Variants in SLC4A10 observed in about 807,000 individuals in gnomAD.
The protein encoded by SLC4A10 is sodium-driven chloride bicarbonate exchanger.
Under a neutral mutation model 137.7 loss-of-function variants are expected in SLC4A10, and 42 were observed. The ratio of observed to expected loss-of-function variants is 0.30; its 90% CI spans 0.24 to 0.39. The LOEUF (loss-of-function observed/expected upper bound fraction) is 0.39, where lower values mean the gene tolerates loss of function less well. Among genes scored for constraint, SLC4A10 ranks in the 10% least tolerant of loss-of-function variants. The pLI is 1.00. For synonymous variants in SLC4A10, 474 were observed against 464.1 expected (o/e 1.02, Z -0.27); for missense variants, 925 against 1,355.0 (o/e 0.68, Z 4.98).
intron 1 of SLC4A10, among the ~76,000 whole-genome samples, chr2:161,700,297 A>G (rs1334520291): frequency 6.6e-6 from 1 of 152,086 alleles, no homozygotes; most frequent in African/African-American, 2.4e-5. Context: ...GACTAAAGAG[A>G]GGTTACTGGA....
intron 9 of SLC4A10, among the ~76,000 whole-genome samples, 192 bp downstream of exon 9, chr2:161,879,480 C>T (rs1332290931): frequency 6.6e-6 from 1 of 150,898 alleles, no homozygotes; most frequent in Non-Finnish European, 1.5e-5. Flanking sequence ...TTCCTCCCTT[C>T]TCTCAAACTT....
rs559319706 is a variant in SLC4A10 at position 161,674,769 on chromosome 2, C to G, written c.48+50203C>G. Among the ~76,000 whole-genome samples, 4 of 152,270 alleles carry G rather than the reference C, an allele frequency of 2.6e-5. No individual in the cohort carries two copies. The East Asian group carries it at 7.7e-4, about 29-fold the overall frequency. On this transcript the variant is annotated intron_variant, in intron 1 of 26. Coordinates refer to ENST00000446997, the MANE Select transcript of SLC4A10 (RefSeq NM_001178015.2). ...ACTTTTGTGGAGCAGCTGCTGGATA[C>G]AAGCTACTGTCTCATGTCTTGAGGA... is the stretch of plus-strand genomic sequence containing the variant.
chr2:161,689,134 T>C (rs1359494594), intron 1 of SLC4A10, among the ~76,000 whole-genome samples: 3 of 152,176 alleles, frequency 2.0e-5, no homozygotes, highest in Non-Finnish European at 2.9e-5. Context: ...GTTAAAAAAA[T>C]TAAAATGTTT....
chr2:161,801,784 A>G (rs2055390059), intron 2 of SLC4A10, among the ~76,000 whole-genome samples: 1 of 152,140 alleles, frequency 6.6e-6, no homozygotes. Flanking sequence ...AATGATAAAA[A>G]AACACTTTCT....
At chr2:161,858,041 C>A (rs962693366) in intron 5 of SLC4A10, among the ~76,000 whole-genome samples, 3 of 152,030 alleles carry the variant, frequency 2.0e-5, no homozygotes, top group Admixed American at 1.3e-4. Context: ...GTTTCATGAT[C>A]ATTTGTGGCC....
At chr2:161,624,624 C>T (rs1227331819) in intron 1 of SLC4A10, 58 bp downstream of exon 1, 19 of 1,550,104 alleles carry the variant, frequency 1.2e-5, no homozygotes, top group Non-Finnish European at 1.7e-5. Flanking sequence ...ACCTGTTAGG[C>T]AAGCGGTCTG....
At position 161,863,054 on chromosome 2, in the gene SLC4A10, A is replaced by G. The variant is rs2060523152; in HGVS notation, c.758A>G (p.Asp253Gly). The change falls in exon 6 of 27, where the codon GAC becomes GGC. Residue 253 changes from aspartate (D) to glycine (G), a missense_variant. This residue lies in a region of SLC4A10 where 277 missense variants were observed against 306.1 expected (regional missense o/e 0.90). Coordinates refer to ENST00000446997, the MANE Select transcript of SLC4A10 (RefSeq NM_001178015.2). The stretch of plus-strand genomic sequence containing the variant: ...AAACAGTCAGAACCAAATTCCATGG[A>G]CAAAAATGGTAAATGTTTATTTATT... ...GKKQSEPNSMDKNAGQVVSPQ... is the reference protein window; with the variant it reads ...GKKQSEPNSMGKNAGQVVSPQ... 6.2e-7 allele frequency: 1 copy of G among 1,613,734 alleles called. No individual in the cohort carries two copies. The highest frequency in any genetic ancestry group is 8.5e-7 in the Non-Finnish European group (1 of 1,179,710).
chr2:161,657,019 G>T (rs1227374555), intron 1 of SLC4A10, among the ~76,000 whole-genome samples: 1 of 152,132 alleles, frequency 6.6e-6, no homozygotes, highest in African/African-American at 2.4e-5. Flanking sequence ...TGATATTCAA[G>T]AGTTTTCTGA....
intron 26 of SLC4A10, 43 bp downstream of exon 26, chr2:161,977,803 T>G (rs1699621088): frequency 6.5e-7 from 1 of 1,541,508 alleles, no homozygotes; most frequent in Non-Finnish European, 8.7e-7. Context: ...TTGCATTTCC[T>G]TATGTTAAAT....
intron 1 of SLC4A10, among the ~76,000 whole-genome samples, chr2:161,748,171 C>G (rs2048574777): frequency 6.6e-6 from 1 of 152,182 alleles, no homozygotes; most frequent in Non-Finnish European, 1.5e-5. Context: ...GGAAACCAAT[C>G]TCTTATGATG....
chr2:161,967,461 C>T (rs952866929), intron 23 of SLC4A10, among the ~76,000 whole-genome samples: 13 of 152,094 alleles, frequency 8.5e-5, no homozygotes, highest in Non-Finnish European at 1.0e-4. Flanking sequence ...CACAAATGTA[C>T]GACAACAATT....
At chr2:161,875,626 G>A (rs747810043) in intron 8 of SLC4A10, among the ~76,000 whole-genome samples, 42 of 152,296 alleles carry the variant, frequency 2.8e-4, no homozygotes, top group Non-Finnish European at 5.3e-4. Context: ...ACAGTGGAAC[G>A]TAGGTATTTT....
intron 3 of SLC4A10, among the ~76,000 whole-genome samples, chr2:161,839,310 G>A (rs1160816645): frequency 6.6e-6 from 1 of 152,204 alleles, no homozygotes; most frequent in East Asian, 1.9e-4. Context: ...GCTACAAAAG[G>A]GAGGTAGGAA....
chr2:161,821,558 G>C (rs993620678), intron 3 of SLC4A10, among the ~76,000 whole-genome samples: 1 of 152,164 alleles, frequency 6.6e-6, no homozygotes, highest in Non-Finnish European at 1.5e-5. Context: ...GAGCCCAGGA[G>C]TTCAGGGTTA....
At chr2:161,691,347 G>A (rs868323057) in intron 1 of SLC4A10, among the ~76,000 whole-genome samples, 2 of 151,280 alleles carry the variant, frequency 1.3e-5, no homozygotes, top group East Asian at 2.0e-4. Flanking sequence ...TGGGGGTGAC[G>A]TTGGTTAATG....
At chr2:161,937,446 C>A (rs1002931222) in intron 15 of SLC4A10, among the ~76,000 whole-genome samples, 3 of 152,140 alleles carry the variant, frequency 2.0e-5, no homozygotes, top group African/African-American at 7.2e-5. Flanking sequence ...CTCTGTAGTT[C>A]CCCACCCTCA....
At chr2:161,681,906 T>G (rs2040893487) in intron 1 of SLC4A10, among the ~76,000 whole-genome samples, 1 of 152,172 alleles carries the variant, frequency 6.6e-6, no homozygotes, top group African/African-American at 2.4e-5. Flanking sequence ...TATCCTTCTC[T>G]CTGCCTTGAG....
chr2:161,962,401 G>T (rs929810195), intron 21 of SLC4A10, among the ~76,000 whole-genome samples: 3 of 152,106 alleles, frequency 2.0e-5, no homozygotes, highest in African/African-American at 7.2e-5. Flanking sequence ...AATGGTGGCT[G>T]GGAAAAACTA....
intron 1 of SLC4A10, among the ~76,000 whole-genome samples, chr2:161,681,587 G>T (rs1340526067): frequency 6.6e-6 from 1 of 152,094 alleles, no homozygotes. Flanking sequence ...CACTGAACAA[G>T]TTCCTCCGCT....
Sources: allele counts gnomAD v4.1 joint callset (sites outside exome capture counted in the v4.1 genomes callset), GRCh38; gene constraint gnomAD v4.1.1; regional missense constraint gnomAD v4.1.1; transcripts MANE v1.5; gene names NCBI Gene and HGNC (gene_info 2026-07-23, HGNC 2026-07-21).